Variants in SGMS1 observed in about 807,000 individuals in gnomAD.
The protein encoded by SGMS1 is phosphatidylcholine:ceramide cholinephosphotransferase 1.
Under a neutral mutation model 46.2 loss-of-function variants are expected in SGMS1, and 13 were observed. That is an observed-to-expected ratio of 0.28 (90% confidence interval 0.18 to 0.45). The LOEUF (loss-of-function observed/expected upper bound fraction) is 0.45. SGMS1 is among the 20% of genes least tolerant of loss of function. The probability of loss-of-function intolerance (pLI) is 1.00; values close to 1 mark genes in which losing one functional copy is unlikely to be tolerated. For missense variants in SGMS1, 324 were observed against 519.9 expected, an observed-to-expected ratio of 0.62 and a Z score of 3.66; for synonymous variants, 203 against 187.8, an observed-to-expected ratio of 1.08 and a Z score of -0.66.
At chr10:50,378,555 A>G (rs564343653) in intron 6 of SGMS1, among the ~76,000 whole-genome samples, 14 of 152,230 alleles carry the variant, frequency 9.2e-5, no homozygotes, top group Non-Finnish European at 2.1e-4. Context: ...AAATGTTTTC[A>G]GAACCACTCA....
intron 2 of SGMS1, among the ~76,000 whole-genome samples, chr10:50,560,118 C>T (rs1020366798): frequency 2.7e-5 from 4 of 145,458 alleles, no homozygotes; most frequent in African/African-American, 1.0e-4. Context: ...TAATATATTA[C>T]ATTATAACAC....
rs751343328 is a variant in SGMS1 at position 50,307,232 on chromosome 10, A to G, written c.1152T>C (p.Ile384=). The change falls in exon 11 of 11, where the codon ATT becomes ATC. Residue 384 remains isoleucine (I), a synonymous_variant. Coordinates refer to ENST00000361781, the MANE Select transcript of SGMS1 (RefSeq NM_147156.4). The surrounding 1 kb of genome is among the most constrained non-coding windows in gnomAD (Gnocchi z 4.2). ...AAGGCCAATGGTAAGATCGAGGTAC[A>G]ATTCCTTGGACATTCTTTTCAAAGT... ...FQYFEKNVQG[I]VPRSYHWPFP... is the part of the protein sequence containing the mutation. 6.2e-7 allele frequency: 1 copy of G among 1,614,108 alleles called. No homozygotes were observed. Among genetic ancestry groups the G allele is most frequent in the African/African-American group, 1.3e-5 (1 of 75,028 alleles).
chr10:50,470,825 C>T (rs1193712212), intron 3 of SGMS1, among the ~76,000 whole-genome samples: 1 of 152,078 alleles, frequency 6.6e-6, no homozygotes, highest in Admixed American at 6.5e-5. Flanking sequence ...ATAAAAAAGA[C>T]CATCCATTAA....
chr10:50,326,360 A>T (rs1411703111), intron 8 of SGMS1, among the ~76,000 whole-genome samples: 1 of 152,194 alleles, frequency 6.6e-6, no homozygotes, highest in African/African-American at 2.4e-5. Flanking sequence ...CAAAGAGAAC[A>T]TCTCTTCTGG....
intron 2 of SGMS1, among the ~76,000 whole-genome samples, chr10:50,523,164 T>C (rs1393031493): frequency 2.0e-5 from 3 of 152,202 alleles, no homozygotes; most frequent in Non-Finnish European, 4.4e-5. Flanking sequence ...ATAGTAGTCC[T>C]TTTTTCTAGT....
intron 3 of SGMS1, among the ~76,000 whole-genome samples, chr10:50,482,203 C>T (rs889328020): frequency 6.6e-6 from 1 of 152,004 alleles, no homozygotes; most frequent in Non-Finnish European, 1.5e-5. Flanking sequence ...AAGATCAACC[C>T]CAAGACACAT....
At chr10:50,522,480 T>A (rs1488845652) in intron 2 of SGMS1, among the ~76,000 whole-genome samples, 1 of 152,178 alleles carries the variant, frequency 6.6e-6, no homozygotes, top group Non-Finnish European at 1.5e-5. Flanking sequence ...TGTTCATACC[T>A]ATTGATTATT....
intron 2 of SGMS1, among the ~76,000 whole-genome samples, chr10:50,548,645 C>T (rs1159206893): frequency 6.6e-6 from 1 of 152,122 alleles, no homozygotes; most frequent in Non-Finnish European, 1.5e-5. Context: ...AGGACATAGG[C>T]CCAGGCAAAG....
chr10:50,386,068 C>T (rs913620505), intron 6 of SGMS1, among the ~76,000 whole-genome samples: 23 of 152,068 alleles, frequency 1.5e-4, no homozygotes, highest in Non-Finnish European at 3.4e-4. Context: ...TCTGCGATGC[C>T]TAACACATGG....
chr10:50,537,442 T>C (rs116334144), intron 2 of SGMS1, among the ~76,000 whole-genome samples: 4,680 of 139,012 alleles, frequency 0.034, 251 homozygotes, highest in African/African-American at 0.11. Flanking sequence ...TTTTTCTTTA[T>C]ATATATATAT....
At chr10:50,617,352 A>G (rs1838807939) in intron 1 of SGMS1, among the ~76,000 whole-genome samples, 3 of 152,230 alleles carry the variant, frequency 2.0e-5, no homozygotes, top group Admixed American at 2.0e-4. Flanking sequence ...CCATTTACAT[A>G]AAATTCTAGA....
chr10:50,469,145 C>G (rs924973377), intron 3 of SGMS1, among the ~76,000 whole-genome samples: 2 of 152,214 alleles, frequency 1.3e-5, no homozygotes, highest in African/African-American at 4.8e-5. Flanking sequence ...TACCTTTAGG[C>G]TATTGTGTTG....
chr10:50,420,947 G>T (rs953607456), intron 6 of SGMS1, among the ~76,000 whole-genome samples: 3 of 152,154 alleles, frequency 2.0e-5, no homozygotes, highest in Non-Finnish European at 2.9e-5. Context: ...AAGAAGGAAG[G>T]CTTCATAAAT....
At chr10:50,462,180 T>A (rs1190838479) in intron 4 of SGMS1, among the ~76,000 whole-genome samples, 1 of 152,116 alleles carries the variant, frequency 6.6e-6, no homozygotes, top group Non-Finnish European at 1.5e-5. Context: ...GAGAATCACT[T>A]GAGCCCAGGA....
intron 6 of SGMS1, among the ~76,000 whole-genome samples, chr10:50,413,710 C>T (rs1691139850): frequency 6.6e-6 from 1 of 152,192 alleles, no homozygotes; most frequent in Admixed American, 6.5e-5. Context: ...TTTAAAATTG[C>T]ACCCTGCAGA....
intron 8 of SGMS1, among the ~76,000 whole-genome samples, chr10:50,326,126 G>A (rs1847528305): frequency 6.6e-6 from 1 of 151,326 alleles, no homozygotes; most frequent in Non-Finnish European, 1.5e-5. Flanking sequence ...CTCTTCCAGA[G>A]GTAAGGAAGT....
chr10:50,409,222 G>A (rs1029307225), intron 6 of SGMS1, among the ~76,000 whole-genome samples: 22 of 152,188 alleles, frequency 1.4e-4, no homozygotes, highest in Non-Finnish European at 2.9e-5. Flanking sequence ...ATGACCTCCA[G>A]TATTTATTAT....
intron 2 of SGMS1, among the ~76,000 whole-genome samples, chr10:50,570,718 T>G (rs1238387430): frequency 6.6e-6 from 1 of 152,314 alleles, no homozygotes; most frequent in South Asian, 2.1e-4. Flanking sequence ...GAGAATTGCT[T>G]AAGCCCAGGA....
intron 7 of SGMS1, among the ~76,000 whole-genome samples, chr10:50,338,303 TCAC>T: frequency 1.3e-5 from 2 of 152,300 alleles, no homozygotes; most frequent in Middle Eastern, 6.8e-3. Flanking sequence ...TCAAATCTTT[TCAC>T]CACCAACTGA....
Sources: gnomAD v4.1 joint callset for allele counts (sites outside exome capture counted in the v4.1 genomes callset) on GRCh38, gnomAD v4.1.1 for gene constraint, Gnocchi (gnomAD v3.1) non-coding constraint, MANE v1.5 for transcripts, NCBI Gene and HGNC (gene_info 2026-07-23, HGNC 2026-07-21) for gene names.